LRATD1: variants seen among roughly 807,000 people sequenced by gnomAD.
The protein encoded by LRATD1 is LRAT domain containing 1.
A neutral mutation model predicts 21.3 loss-of-function variants in LRATD1; 8 were observed. The observed-to-expected ratio is 0.38, with a 90% CI of 0.22 to 0.68. The LOEUF is 0.68. LRATD1 is among the 30% of genes least tolerant of loss of function. LRATD1 has a pLI of 0.54. For missense variants in LRATD1, 380 were observed against 404.0 expected, an observed-to-expected ratio of 0.94 and a Z score of 0.51; for synonymous variants, 210 against 186.2, an observed-to-expected ratio of 1.13 and a Z score of -1.04.
Position 14,637,315 on chromosome 2 carries a change from A to G in LRATD1, c.*2457A>G, listed in dbSNP as rs1671709590. The G allele has an allele frequency of 6.0e-6, 1 of 166,998 alleles. No homozygotes were observed. Among genetic ancestry groups the G allele is most frequent in the African/African-American group, 2.4e-5 (1 of 41,462 alleles). 10.3% of individuals were successfully genotyped at this position (166,998 alleles called of 1,614,324 possible). On this transcript the variant is annotated 3_prime_UTR_variant, in exon 2 of 2. Transcript: ENST00000295092. ...CATCAAAAGAAATGAATTAGTCTCT[A>G]TCACACCGAATACTAAGATTTATTT...
chr2:14,649,374 C>T, exon 5 of LRATD1: 2 of 456,510 alleles, frequency 4.4e-6, no homozygotes, highest in South Asian at 1.5e-5. Context: ...CAACCACCAA[C>T]TCCTTGTATT....
chr2:14,649,826 T>C (rs1185617330), downstream of LRATD1: 1 of 155,082 alleles, frequency 6.4e-6, no homozygotes, highest in Non-Finnish European at 1.4e-5. Flanking sequence ...GGTGATGATA[T>C]TAGAAGATGG....
chr2:14,645,042 T>C (rs1671870974), intron 2 of LRATD1, among the ~76,000 whole-genome samples: 1 of 152,230 alleles, frequency 6.6e-6, no homozygotes, highest in Admixed American at 6.5e-5. Flanking sequence ...AAAATGGCCT[T>C]CTGAAGGAAA....
downstream of LRATD1, among the ~76,000 whole-genome samples, chr2:14,643,655 G>A (rs542038014): frequency 1.3e-5 from 2 of 152,298 alleles, no homozygotes; most frequent in South Asian, 4.1e-4. Context: ...TGAGAATGCT[G>A]TTCACTTACC....
At chr2:14,643,758 G>C (rs1479032430), downstream of LRATD1, among the ~76,000 whole-genome samples, 1 of 152,166 alleles carries the variant, frequency 6.6e-6, no homozygotes. Flanking sequence ...TGAACTTCTG[G>C]TGTAGCACTT....
chr2:14,645,647 C>T (rs977871036), intron 2 of LRATD1, among the ~76,000 whole-genome samples: 1 of 152,154 alleles, frequency 6.6e-6, no homozygotes, highest in Non-Finnish European at 1.5e-5. Context: ...AGAATCTATC[C>T]ATCAGGGTAA....
chr2:14,633,903 C>A lies in LRATD1; in HGVS notation c.-36-41C>A. The A allele has an allele frequency of 3.9e-6, 6 of 1,521,850 alleles. No individual in the cohort carries two copies. The highest frequency in any genetic ancestry group is 4.4e-6 in the Non-Finnish European group (5 of 1,127,320). 94.3% of individuals were successfully genotyped at this position (1,521,850 alleles called of 1,614,324 possible). A position where few individuals can be genotyped will look rare whatever the true frequency, so the allele number is the denominator to read the frequency against. On this transcript the variant is annotated intron_variant, in intron 1 of 1. Transcript: ENST00000295092. The surrounding 1 kb of genome is among the most constrained non-coding windows in gnomAD (Gnocchi z 7.5). ...GGGGAGGGACACCGAAAGGGGCAGCCCGGACTCTGACGGTGTCTCTGCCTC... is the reference window on the plus strand; with the variant it reads ...GGGGAGGGACACCGAAAGGGGCAGCACGGACTCTGACGGTGTCTCTGCCTC...
At chr2:14,651,438 A>G (rs892505607), downstream of LRATD1, among the ~76,000 whole-genome samples, 2 of 152,144 alleles carry the variant, frequency 1.3e-5, no homozygotes, top group Non-Finnish European at 2.9e-5. Flanking sequence ...AGACATACAT[A>G]CACCTTTCTG....
chr2:14,651,834 T>C (rs892646505), downstream of LRATD1, among the ~76,000 whole-genome samples: 1 of 152,068 alleles, frequency 6.6e-6, no homozygotes, highest in Admixed American at 6.5e-5. Context: ...GTTTAATAGA[T>C]TGATTCATAG....
rs1671772694 is a variant in LRATD1, at chr2:14,639,755, A to G, written c.*4897A>G. 1 of 167,148 alleles carries G rather than the reference A, an allele frequency of 6.0e-6. No homozygotes were observed. Among genetic ancestry groups the G allele is most frequent in the Non-Finnish European group, 1.5e-5 (1 of 68,134 alleles). 10.4% of individuals were successfully genotyped at this position (167,148 alleles called of 1,614,324 possible). A position where few individuals can be genotyped will look rare whatever the true frequency, so the allele number is the denominator to read the frequency against. On this transcript the variant is annotated 3_prime_UTR_variant, in exon 2 of 2. Coordinates refer to ENST00000295092, the MANE Select transcript of LRATD1 (RefSeq NM_145175.4). ...CATTCTTTTTGATGGCTGATAGTAG[A>G]AAGCACACAGTAGGTACTCCATAAA...
At position 14,633,742 on chromosome 2, in the gene LRATD1, G is replaced by A. The variant is rs186048169; in HGVS notation, c.-36-202G>A. 8.8e-4 allele frequency: 484 copies of A among 551,974 alleles called. No homozygotes were observed. Among genetic ancestry groups the A allele is most frequent in the Non-Finnish European group, 1.3e-3 (407 of 311,750 alleles). The allele number at this position is 551,974 out of a possible 1,614,324, so 34.2% of individuals were successfully genotyped here. ...AAGGGGTCGGAGGCTGTGTGGTGGCGTCTGCTCTCGCCTGACCTGTGGCGG... is the reference window on the plus strand; with the variant it reads ...AAGGGGTCGGAGGCTGTGTGGTGGCATCTGCTCTCGCCTGACCTGTGGCGG... On this transcript the variant is annotated intron_variant, in intron 1 of 1. Coordinates refer to ENST00000295092, the MANE Select transcript of LRATD1 (RefSeq NM_145175.4). The surrounding 1 kb of genome is among the most constrained non-coding windows in gnomAD (Gnocchi z 7.5).
rs1177531947 is a variant in LRATD1 at position 14,639,805 on chromosome 2, T to C, written c.*4947T>C. 1 of 167,110 alleles carries C rather than the reference T, an allele frequency of 6.0e-6. No homozygotes were observed. Among genetic ancestry groups the C allele is most frequent in the Non-Finnish European group, 1.5e-5 (1 of 68,118 alleles). The allele number at this position is 167,110 out of a possible 1,614,324, so 10.4% of individuals were successfully genotyped here. A position where few individuals can be genotyped will look rare whatever the true frequency, so the allele number is the denominator to read the frequency against. Reference sequence around the variant, plus strand: ...ATGTAAGACTATGGCAGCTGTCTAGTACAAGTGCTTCTCACTGATTCTTGG... The same window carrying C: ...ATGTAAGACTATGGCAGCTGTCTAGCACAAGTGCTTCTCACTGATTCTTGG... On this transcript the variant is annotated 3_prime_UTR_variant, in exon 2 of 2. Transcript: ENST00000295092.
rs78607687 is a variant in LRATD1, at chr2:14,633,970, C to T, written c.-10C>T. On this transcript the variant is annotated 5_prime_UTR_variant, in exon 2 of 2. Coordinates refer to ENST00000295092, the MANE Select transcript of LRATD1 (RefSeq NM_145175.4). This position sits in a 1 kb window ranked among gnomAD's most constrained non-coding sequence, Gnocchi z 7.5. ...TCCCCGCTCCTGGCCCTCGCCTCGC[C>T]ACCTCATTGATGGGCAACCAACTGG... The T allele has an allele frequency of 0.021, 34,265 of 1,604,702 alleles. 423 individuals carry two copies. Among genetic ancestry groups the T allele is most frequent in the Middle Eastern group, 0.028 (170 of 6,040 alleles).
rs985291604 is a variant in LRATD1 at position 14,638,960 on chromosome 2, A to G, written c.*4102A>G. ...ATTACTAGCTATTGGTATAATATAC[A>G]TATATGTACATGTATACATATACAT... On this transcript the variant is annotated 3_prime_UTR_variant, in exon 2 of 2. Transcript: ENST00000295092. 2.4e-5 allele frequency: 4 copies of G among 166,914 alleles called. No individual in the cohort carries two copies. Among genetic ancestry groups the G allele is most frequent in the African/African-American group, 7.2e-5 (3 of 41,434 alleles). The allele number at this position is 166,914 out of a possible 1,614,324, so 10.3% of individuals were successfully genotyped here. A position where few individuals can be genotyped will look rare whatever the true frequency, so the allele number is the denominator to read the frequency against.
chr2:14,645,756 A>G (rs1671882799), intron 2 of LRATD1, among the ~76,000 whole-genome samples: 1 of 152,218 alleles, frequency 6.6e-6, no homozygotes, highest in South Asian at 2.1e-4. Context: ...TACTTACAAT[A>G]GTGTCCTGAA....
chr2:14,641,743 C>A (rs1030358058), downstream of LRATD1, among the ~76,000 whole-genome samples: 2 of 152,186 alleles, frequency 1.3e-5, no homozygotes, highest in African/African-American at 4.8e-5. Context: ...TTGTAGAACA[C>A]GTAGTTTTCA....
Position 14,637,912 on chromosome 2 carries a change from C to A in LRATD1, c.*3054C>A, listed in dbSNP as rs994759654. 1 of 166,818 alleles carries A rather than the reference C, an allele frequency of 6.0e-6. No homozygotes were observed. The highest frequency in any genetic ancestry group is 2.4e-5 in the African/African-American group (1 of 41,348). 10.3% of individuals were successfully genotyped at this position (166,818 alleles called of 1,614,324 possible). Reference sequence around the variant, plus strand: ...GGATTTCGTTTTGGTTTTAGTTGTCCTCAAGAGACAACAGGTTCACAGTAA... The same window carrying A: ...GGATTTCGTTTTGGTTTTAGTTGTCATCAAGAGACAACAGGTTCACAGTAA... On this transcript the variant is annotated 3_prime_UTR_variant, in exon 2 of 2. Coordinates refer to ENST00000295092, the MANE Select transcript of LRATD1 (RefSeq NM_145175.4).
chr2:14,641,276 T>C (rs1233686816), downstream of LRATD1, among the ~76,000 whole-genome samples: 2 of 152,156 alleles, frequency 1.3e-5, no homozygotes, highest in Non-Finnish European at 2.9e-5. Flanking sequence ...GAGCACATAG[T>C]GCAGGAGAAG....
chr2:14,643,184 G>T (rs180997307), downstream of LRATD1, among the ~76,000 whole-genome samples: 111 of 152,236 alleles, frequency 7.3e-4, no homozygotes, highest in Admixed American at 4.7e-3. Flanking sequence ...TCACTATTCT[G>T]ATTTCAGAAA....
Sources: gnomAD v4.1 joint callset for allele counts (sites outside exome capture counted in the v4.1 genomes callset) on GRCh38, gnomAD v4.1.1 for gene constraint, Gnocchi (gnomAD v3.1) non-coding constraint, MANE v1.5 for transcripts, NCBI Gene and HGNC (gene_info 2026-07-23, HGNC 2026-07-21) for gene names.